The following LRMDA variants were observed in gnomAD, a reference collection of about 807,000 sequenced individuals.
LRMDA encodes leucine rich melanocyte differentiation associated, also known as leucine-rich melanocyte differentiation-associated protein.
A neutral mutation model predicts 29.8 loss-of-function variants in LRMDA; 18 were observed. The observed-to-expected ratio is 0.60, with a 90% CI of 0.42 to 0.90. The LOEUF is 0.90. Ranked by LOEUF, LRMDA falls within the 40% of genes least tolerant of loss-of-function variation. LRMDA has a pLI of 0.00. For synonymous variants in LRMDA, 125 were observed against 109.4 expected (o/e 1.14, Z -0.89); for missense variants, 273 against 273.9 (o/e 1.00, Z 0.02).
chr10:76,285,048 C>T (rs1355440736), intron 5 of LRMDA, among the ~76,000 whole-genome samples: 1 of 152,090 alleles, frequency 6.6e-6, no homozygotes, highest in Non-Finnish European at 1.5e-5. Context: ...TCCATGTTTC[C>T]CCATTCTCCC....
chr10:76,297,042 C>G (rs1290133343), intron 5 of LRMDA, among the ~76,000 whole-genome samples: 2 of 152,204 alleles, frequency 1.3e-5, no homozygotes, highest in Non-Finnish European at 2.9e-5. Flanking sequence ...TCCAGTGCTC[C>G]TATCACTCAC....
At chr10:76,049,182 C>T (rs1436853362) in intron 4 of LRMDA, among the ~76,000 whole-genome samples, 2 of 152,206 alleles carry the variant, frequency 1.3e-5, no homozygotes, top group Non-Finnish European at 2.9e-5. Context: ...CCTGGGCACC[C>T]TCCAAGCCCA....
chr10:76,347,316 C>T lies in LRMDA; in HGVS notation c.601+22831C>T, dbSNP rs550778072. ...TTCTCTCCACATTGGAATCTGATAA[C>T]GAAAGGTCTTATCTCTGTAGCCTGA... On this transcript the variant is annotated intron_variant, in intron 6 of 6. Coordinates refer to ENST00000611255, the MANE Select transcript of LRMDA (RefSeq NM_001305581.2). Among the ~76,000 whole-genome samples, 5 of 152,240 alleles carry T rather than the reference C, an allele frequency of 3.3e-5. No homozygotes were observed. In the South Asian group the frequency reaches 8.3e-4, roughly 25 times the overall value.
At chr10:75,794,551 C>T (rs1438863498) in intron 2 of LRMDA, among the ~76,000 whole-genome samples, 2 of 152,198 alleles carry the variant, frequency 1.3e-5, no homozygotes, top group African/African-American at 2.4e-5. Flanking sequence ...ATTTATACTT[C>T]CACCAGGAAT....
intron 6 of LRMDA, among the ~76,000 whole-genome samples, chr10:76,416,309 C>T (rs1307731977): frequency 6.6e-6 from 1 of 152,102 alleles, no homozygotes; most frequent in African/African-American, 2.4e-5. Flanking sequence ...TGCTGAGGTT[C>T]GTGTGGATAT....
chr10:76,159,760 A>G (rs904497024), intron 5 of LRMDA, among the ~76,000 whole-genome samples: 11 of 152,178 alleles, frequency 7.2e-5, no homozygotes, highest in African/African-American at 2.2e-4. Flanking sequence ...ATGCATATTC[A>G]TAAGTGAAAG....
intron 2 of LRMDA, among the ~76,000 whole-genome samples, chr10:75,937,358 A>G (rs1846313240): frequency 6.6e-6 from 1 of 152,334 alleles, no homozygotes; most frequent in South Asian, 2.1e-4. Context: ...AGAATGAGCC[A>G]TTTTGGAGCT....
intron 2 of LRMDA, among the ~76,000 whole-genome samples, chr10:75,699,998 G>C (rs1295969686): frequency 2.0e-5 from 3 of 152,094 alleles, no homozygotes; most frequent in Admixed American, 1.3e-4. Flanking sequence ...AGAAGGAATG[G>C]GTTCTCTCCT....
At chr10:76,065,207 T>C (rs1156914103) in intron 5 of LRMDA, among the ~76,000 whole-genome samples, 1 of 152,260 alleles carries the variant, frequency 6.6e-6, no homozygotes. Context: ...CATGGCATCC[T>C]GTGCCTCAAG....
chr10:75,792,049 T>C lies in LRMDA; in HGVS notation c.132-243959T>C, dbSNP rs535060382. Reference sequence around the variant, plus strand: ...TAATTTTTTGTATTTTTAGTAGAGATGGGGTTTCACTGTGTTAGTCAGGAT... The same window carrying C: ...TAATTTTTTGTATTTTTAGTAGAGACGGGGTTTCACTGTGTTAGTCAGGAT... On this transcript the variant is annotated intron_variant, in intron 2 of 6. Transcript: ENST00000611255. Among the ~76,000 whole-genome samples the C allele has an allele frequency of 1.6e-4, 24 of 151,708 alleles. 1 individual carries two copies. The South Asian group carries it at 3.5e-3, about 22-fold the overall frequency.
At chr10:75,908,347 T>G (rs1302957981) in intron 2 of LRMDA, among the ~76,000 whole-genome samples, 1 of 152,194 alleles carries the variant, frequency 6.6e-6, no homozygotes, top group East Asian at 1.9e-4. Context: ...AACTAGACAC[T>G]TGGTAAATGG....
intron 5 of LRMDA, among the ~76,000 whole-genome samples, chr10:76,165,252 C>T (rs1038218157): frequency 1.3e-5 from 2 of 152,180 alleles, no homozygotes; most frequent in African/African-American, 4.8e-5. Context: ...GGATTACAGG[C>T]GTGAGACGCC....
intron 6 of LRMDA, among the ~76,000 whole-genome samples, chr10:76,361,676 A>G (rs1403469696): frequency 6.6e-6 from 1 of 152,174 alleles, no homozygotes; most frequent in Non-Finnish European, 1.5e-5. Context: ...TGAAAGTGAA[A>G]TCCTCACACT....
intron 2 of LRMDA, among the ~76,000 whole-genome samples, chr10:75,946,190 G>A (rs778438325): frequency 6.6e-6 from 1 of 152,192 alleles, no homozygotes; most frequent in Non-Finnish European, 1.5e-5. Flanking sequence ...GGGGCACTGT[G>A]AGGACAGGCA....
At chr10:76,505,588 G>T (rs1381397560) in intron 6 of LRMDA, among the ~76,000 whole-genome samples, 2 of 152,046 alleles carry the variant, frequency 1.3e-5, no homozygotes. Context: ...AATTCTCATA[G>T]TGAATTTTTT....
rs539690458 is a variant in LRMDA, at chr10:76,350,174, A to C, written c.601+25689A>C. On this transcript the variant is annotated intron_variant, in intron 6 of 6. Transcript: ENST00000611255. Reference sequence around the variant, plus strand: ...AGGTAGGTGGAGGCAAAAAACAAAAAAAAAAATAAATAAATTCTGACCTGA... The same window carrying C: ...AGGTAGGTGGAGGCAAAAAACAAAACAAAAAATAAATAAATTCTGACCTGA... 1.4e-4 allele frequency among the ~76,000 whole-genome samples: 21 copies of C among 152,020 alleles called. No homozygotes were observed. In the South Asian group the frequency reaches 3.9e-3, roughly 29 times the overall value.
chr10:76,264,012 A>G (rs1185345324), intron 5 of LRMDA, among the ~76,000 whole-genome samples: 3 of 152,192 alleles, frequency 2.0e-5, no homozygotes, highest in African/African-American at 7.2e-5. Flanking sequence ...GAAGGGTTCC[A>G]TTCACTCTAA....
chr10:75,952,868 C>T (rs571103283), intron 2 of LRMDA, among the ~76,000 whole-genome samples: 1 of 152,176 alleles, frequency 6.6e-6, no homozygotes, highest in Non-Finnish European at 1.5e-5. Context: ...AATTCTCATG[C>T]CTCAGTCTCC....
chr10:76,035,877 A>C, intron 2 of LRMDA, 131 bp from the exon 3 acceptor site: 13 of 1,019,652 alleles, frequency 1.3e-5, no homozygotes, highest in Middle Eastern at 2.4e-4. Flanking sequence ...CTTGTCATTC[A>C]CTTTGCTGAC....
Sources: gnomAD v4.1 joint callset for allele counts (sites outside exome capture counted in the v4.1 genomes callset) on GRCh38, gnomAD v4.1.1 for gene constraint, MANE v1.5 for transcripts, NCBI Gene and HGNC (gene_info 2026-07-23, HGNC 2026-07-21) for gene names.